GRID2: variants seen among roughly 807,000 people sequenced by gnomAD.
GRID2 encodes the protein glutamate ionotropic receptor delta type subunit 2, also known as glutamate receptor ionotropic, delta-2.
In GRID2, 33 loss-of-function variants were observed where a neutral mutation model predicts 114.8. That is an observed-to-expected ratio of 0.29 (90% CI 0.22 to 0.38). The LOEUF is 0.38. Among genes scored for constraint, GRID2 ranks in the 10% least tolerant of loss-of-function variants. The probability of loss-of-function intolerance (pLI) is 1.00; values close to 1 mark genes in which losing one functional copy is unlikely to be tolerated. For synonymous variants in GRID2, 505 were observed against 449.9 expected, an observed-to-expected ratio of 1.12 and a Z score of -1.55; for missense variants, 1,184 against 1,257.7, an observed-to-expected ratio of 0.94 and a Z score of 0.89.
In GRID2 at chr4:92,860,332, C is replaced by T. The variant is rs544467355; in HGVS notation, c.245-224663C>T. Among the ~76,000 whole-genome samples, 6 of 152,216 alleles carry T rather than the reference C, an allele frequency of 3.9e-5. No homozygotes were observed. In the South Asian group the frequency reaches 1.2e-3, roughly 32 times the overall value. On this transcript the variant is annotated intron_variant, in intron 2 of 15. Transcript: ENST00000282020. Reference sequence around the variant, plus strand: ...CATCAATTTTACAAGGCTTTGCTTACTCGAGATGTTGGTCTATGTATAGAA... The same window carrying T: ...CATCAATTTTACAAGGCTTTGCTTATTCGAGATGTTGGTCTATGTATAGAA...
rs138342434 is a variant in GRID2 at position 93,679,177 on chromosome 4, A to T, written c.2360+52742A>T. The stretch of plus-strand genomic sequence containing the variant: ...AAACCAACAAAAATCAAAAGAGACA[A>T]AGAAGGCCATTGCATAATGGTAAAG... On this transcript the variant is annotated intron_variant, in intron 14 of 15. Coordinates refer to ENST00000282020, the MANE Select transcript of GRID2 (RefSeq NM_001510.4). 4.5e-3 allele frequency among the ~76,000 whole-genome samples: 688 copies of T among 151,398 alleles called. 29 individuals are homozygous for T. The highest frequency in any genetic ancestry group is 0.016 in the African/African-American group (672 of 40,904).
intron 2 of GRID2, among the ~76,000 whole-genome samples, chr4:92,880,951 G>A (rs1043748806): frequency 6.6e-6 from 1 of 152,134 alleles, no homozygotes; most frequent in Non-Finnish European, 1.5e-5. Context: ...GCCCCAGGCT[G>A]GAGTGCAGTG....
At chr4:93,233,683 T>C (rs1746422479) in intron 7 of GRID2, among the ~76,000 whole-genome samples, 1 of 152,048 alleles carries the variant, frequency 6.6e-6, no homozygotes, top group Non-Finnish European at 1.5e-5. Flanking sequence ...TAAAATCAGA[T>C]TATCCCATGC....
chr4:92,520,109 A>G (rs1007452021), intron 1 of GRID2, among the ~76,000 whole-genome samples: 1 of 151,840 alleles, frequency 6.6e-6, no homozygotes, highest in Non-Finnish European at 1.5e-5. Context: ...TCCTTAAGTC[A>G]TACTTAATCT....
chr4:92,690,407 G>A (rs1439438615), intron 2 of GRID2, among the ~76,000 whole-genome samples: 3 of 152,110 alleles, frequency 2.0e-5, no homozygotes, highest in African/African-American at 7.2e-5. Context: ...TCTTATATGA[G>A]TGTCGTCCAA....
intron 1 of GRID2, among the ~76,000 whole-genome samples, chr4:92,323,398 A>G (rs902049542): frequency 7.2e-5 from 11 of 152,040 alleles, no homozygotes; most frequent in Admixed American, 2.0e-4. Flanking sequence ...AACCTCTACA[A>G]ACTTTTGTCT....
In GRID2 at chr4:93,725,531, T is replaced by C. The variant is rs568404341; in HGVS notation, c.2361-43679T>C. On this transcript the variant is annotated intron_variant, in intron 14 of 15. Transcript: ENST00000282020. ...GGATGGCTGGGTCAAATGGTATTTCTAGTTCTAGATCCCTGAGGAATCGCC... is the reference window on the plus strand; with the variant it reads ...GGATGGCTGGGTCAAATGGTATTTCCAGTTCTAGATCCCTGAGGAATCGCC... Among the ~76,000 whole-genome samples, 1,019 of 151,878 alleles carry C rather than the reference T, an allele frequency of 6.7e-3. 12 individuals carry two copies. The highest frequency in any genetic ancestry group is 0.022 in the African/African-American group (923 of 41,166).
Position 92,627,416 on chromosome 4 carries a change from A to G in GRID2, c.244+37130A>G, listed in dbSNP as rs1159236007. ...AACATAACTTAAAATGTAGGTGTAT[A>G]TGTTATATATATGTGTTTATTGTAA... On this transcript the variant is annotated intron_variant, in intron 2 of 15. Transcript: ENST00000282020. 5.3e-5 allele frequency among the ~76,000 whole-genome samples: 8 copies of G among 152,214 alleles called. No individual in the cohort carries two copies. In the South Asian group the frequency reaches 1.0e-3, roughly 20 times the overall value.
chr4:93,335,181 A>G (rs28431857), intron 8 of GRID2, among the ~76,000 whole-genome samples: 38,394 of 152,012 alleles, frequency 0.25, 8,115 homozygotes, highest in African/African-American at 0.58. Flanking sequence ...AATACCCATA[A>G]TTTAAAAATT....
intron 13 of GRID2, among the ~76,000 whole-genome samples, chr4:93,596,105 C>T (rs908542046): frequency 6.6e-6 from 1 of 152,110 alleles, no homozygotes; most frequent in African/African-American, 2.4e-5. Flanking sequence ...TTGCTAATTT[C>T]CTATTGCCTT....
intron 9 of GRID2, among the ~76,000 whole-genome samples, chr4:93,405,550 A>T (rs1766329313): frequency 1.3e-5 from 2 of 152,114 alleles, no homozygotes; most frequent in Admixed American, 6.6e-5. Flanking sequence ...CAGATCTACT[A>T]CTTGTCTCTA....
chr4:92,874,186 C>T (rs1004649745), intron 2 of GRID2, among the ~76,000 whole-genome samples: 3 of 152,152 alleles, frequency 2.0e-5, no homozygotes, highest in African/African-American at 7.2e-5. Flanking sequence ...ATTGTCACAA[C>T]ATTTGGGCTC....
At chr4:92,653,304 T>TAC (rs145150152) in intron 2 of GRID2, among the ~76,000 whole-genome samples, 46,932 of 146,312 alleles carry the variant, frequency 0.32, 7,537 homozygotes, top group East Asian at 0.38. Flanking sequence ...TGGCCAAAAT[T>TAC]ACACACACAC....
At chr4:93,437,858 G>A (rs1481992671) in intron 10 of GRID2, among the ~76,000 whole-genome samples, 1 of 152,058 alleles carries the variant, frequency 6.6e-6, no homozygotes, top group Non-Finnish European at 1.5e-5. Flanking sequence ...CTCGTCCTCT[G>A]AGAACACCTA....
intron 1 of GRID2, among the ~76,000 whole-genome samples, chr4:92,402,538 C>T (rs1730835505): frequency 6.6e-6 from 1 of 152,182 alleles, no homozygotes; most frequent in African/African-American, 2.4e-5. Context: ...ACATGTCCAT[C>T]AGAGCTCTTG....
At chr4:93,731,149 T>C (rs927572453) in intron 14 of GRID2, among the ~76,000 whole-genome samples, 8 of 152,116 alleles carry the variant, frequency 5.3e-5, no homozygotes, top group Non-Finnish European at 1.0e-4. Flanking sequence ...GTAAAAAAAC[T>C]TTGCTAAATT....
chr4:92,566,537 T>G (rs1479940319), intron 1 of GRID2, among the ~76,000 whole-genome samples: 1 of 151,960 alleles, frequency 6.6e-6, no homozygotes, highest in African/African-American at 2.4e-5. Context: ...CTACAGGAAG[T>G]TTCTCTTTGG....
In GRID2 at chr4:93,709,928, A is replaced by G. The variant is rs76341506; in HGVS notation, c.2361-59282A>G. 2.7e-3 allele frequency among the ~76,000 whole-genome samples: 416 copies of G among 152,238 alleles called. 1 individual carries two copies. The highest frequency in any genetic ancestry group is 9.3e-3 in the African/African-American group (387 of 41,530). ...TTCATTAATTTTTGTTAATTATTTT[A>G]ATCTCTTTGTTAAATTTATCTGATA... On this transcript the variant is annotated intron_variant, in intron 14 of 15. Coordinates refer to ENST00000282020, the MANE Select transcript of GRID2 (RefSeq NM_001510.4).
intron 13 of GRID2, among the ~76,000 whole-genome samples, chr4:93,557,278 T>C (rs1270548945): frequency 6.6e-6 from 1 of 152,158 alleles, no homozygotes. Flanking sequence ...AATGCCCCAA[T>C]TAAAAGACAC....
Sources: allele counts gnomAD v4.1 joint callset (sites outside exome capture counted in the v4.1 genomes callset), GRCh38; gene constraint gnomAD v4.1.1; transcripts MANE v1.5; gene names NCBI Gene and HGNC (gene_info 2026-07-23, HGNC 2026-07-21).